The following LILRB3 variants were observed in gnomAD, a reference collection of about 807,000 sequenced individuals.
LILRB3 encodes the protein leukocyte immunoglobulin-like receptor subfamily B member 3.
In LILRB3, 32 loss-of-function variants were observed where a neutral mutation model predicts 68.2. That is an observed-to-expected ratio of 0.47 (90% CI 0.35 to 0.63). The LOEUF (loss-of-function observed/expected upper bound fraction) is 0.63. LILRB3 is among the 30% of genes least tolerant of loss of function. The probability of loss-of-function intolerance (pLI) is 0.00; values close to 1 mark genes in which losing one functional copy is unlikely to be tolerated. For missense variants in LILRB3, 502 were observed against 791.3 expected, an observed-to-expected ratio of 0.63 and a Z score of 4.39; for synonymous variants, 185 against 323.1, an observed-to-expected ratio of 0.57 and a Z score of 4.58.
At chr19:54,217,892 C>A (rs961446151) in intron 11 of LILRB3, among the ~76,000 whole-genome samples, 8 of 152,018 alleles carry the variant, frequency 5.3e-5, no homozygotes, top group Non-Finnish European at 8.8e-5. Context: ...ATGTTCCTTA[C>A]AGCACGTTGC....
exon 1 of LILRB3, chr19:54,222,964 G>T (rs1420204928): frequency 6.2e-7 from 1 of 1,612,502 alleles, no homozygotes; most frequent in East Asian, 2.2e-5. Context: ...AGGGCTGTGA[G>T]GGCGGGCGTC....
Position 54,220,141 on chromosome 19 carries a change from C to G in LILRB3, c.1309+14G>C. The G allele has an allele frequency of 6.6e-7, 1 of 1,506,192 alleles. No individual in the cohort carries two copies. The highest frequency in any genetic ancestry group is 9.0e-7 in the Non-Finnish European group (1 of 1,116,140). The allele number at this position is 1,506,192 out of a possible 1,614,324, so 93.3% of individuals were successfully genotyped here. On this transcript the variant is annotated intron_variant, in intron 7 of 12. Transcript: ENST00000445347. The stretch of plus-strand genomic sequence containing the variant: ...GGGGGAGGCGGCGCTCCCCAAGAGG[C>G]CTCAGTGACTCACCAGGTGTGGAGG...
intron 7 of LILRB3, chr19:54,219,474 C>A (rs1393838798): frequency 1.3e-6 from 2 of 1,547,738 alleles, no homozygotes; most frequent in Admixed American, 2.0e-5. Context: ...GGGAAGGGAG[C>A]CCGGGAGTCT....
exon 13 of LILRB3, chr19:54,217,213 A>G (rs1443024560): frequency 6.2e-7 from 1 of 1,608,148 alleles, no homozygotes; most frequent in East Asian, 2.2e-5. Context: ...CGTAGGTCAC[A>G]TCCTGGGAGG....
exon 3 of LILRB3, chr19:54,222,324 A>G (rs1467800229): frequency 6.2e-7 from 1 of 1,608,996 alleles, no homozygotes; most frequent in South Asian, 1.1e-5. Flanking sequence ...ACCAGCCTGC[A>G]GAGCTGTAAT....
exon 13 of LILRB3, chr19:54,216,469 C>G (rs932719433): frequency 7.8e-6 from 2 of 255,454 alleles, no homozygotes; most frequent in Admixed American, 6.3e-5. Flanking sequence ...GCCACCACGC[C>G]CGGCTAATTT....
At chr19:54,218,226 G>T in intron 11 of LILRB3, 135 bp downstream of exon 11, 2 of 1,221,250 alleles carry the variant, frequency 1.6e-6, no homozygotes, top group Non-Finnish European at 2.4e-6. Flanking sequence ...CACAGCAGGC[G>T]GGAGGCAGCA....
chr19:54,219,340 AC>A, intron 7 of LILRB3, 95 bp from the exon 8 acceptor site: 1 of 1,483,244 alleles, frequency 6.7e-7, no homozygotes, highest in Non-Finnish European at 9.1e-7. Context: ...GTGACCTCCA[AC>A]CCTCACAAGC....
exon 8 of LILRB3, chr19:54,219,161 A>C (rs61734493): frequency 0.93 from 1,492,226 of 1,606,838 alleles, 693,766 homozygotes; most frequent in East Asian, 1. Context: ...ACGCTGACGG[A>C]GGAGGAGGAG....
At chr19:54,218,484 T>C in intron 10 of LILRB3, 71 bp from the exon 11 acceptor site, 1 of 1,607,262 alleles carries the variant, frequency 6.2e-7, no homozygotes, top group Non-Finnish European at 8.5e-7. Flanking sequence ...CCCCCTGCCC[T>C]GCTCCCAGAT....
chr19:54,217,916 A>T (rs149998392), intron 11 of LILRB3, among the ~76,000 whole-genome samples: 1 of 150,576 alleles, frequency 6.6e-6, no homozygotes, highest in African/African-American at 2.5e-5. Context: ...CCTGGACACG[A>T]TGCATTTATT....
chr19:54,217,858 C>G (rs2077642597), intron 11 of LILRB3, among the ~76,000 whole-genome samples: 1 of 152,126 alleles, frequency 6.6e-6, no homozygotes, highest in African/African-American at 2.4e-5. Flanking sequence ...CACTGCCCCA[C>G]ACTCTCTGCC....
chr19:54,219,571 C>G, intron 7 of LILRB3: 1 of 1,548,532 alleles, frequency 6.5e-7, no homozygotes, highest in Non-Finnish European at 8.7e-7. Flanking sequence ...GCCCTGCTCC[C>G]CTCCCCTGCC....
rs1380779035 is a variant in LILRB3, at chr19:54,217,245, G to T, written c.1750-6C>A. Reference sequence around the variant, plus strand: ...GAGGCTTCAGATGCAGCAGCCTGCAGCGGGGGAGAGTGAGAGGTAAGGAAC... The same window carrying T: ...GAGGCTTCAGATGCAGCAGCCTGCATCGGGGGAGAGTGAGAGGTAAGGAAC... On this transcript the variant is annotated splice_region_variant and splice_polypyrimidine_tract_variant and intron_variant, in intron 12 of 12. Transcript: ENST00000445347. The T allele has an allele frequency of 2.5e-6, 4 of 1,610,238 alleles. No homozygotes were observed. Among genetic ancestry groups the T allele is most frequent in the Non-Finnish European group, 3.4e-6 (4 of 1,179,574 alleles).
rs750955385 is a variant in LILRB3, at chr19:54,218,837, G to A, written c.1428C>T (p.Asp476=). Residue 476 remains aspartate, a splice_region_variant and synonymous_variant, in exon 9 of 13, where the codon GAC becomes GAT. Transcript: ENST00000445347. ...GACGCTGGAAATCAGTCTTTCTCTG[G>A]TCTGGGTGAAGATGGACAGAGTCTC... The A allele has an allele frequency of 2.5e-6, 4 of 1,613,914 alleles. 1 individual carries two copies. The South Asian group carries it at 4.4e-5, about 18-fold the overall frequency.
exon 12 of LILRB3, chr19:54,217,351 G>C: frequency 6.3e-7 from 1 of 1,587,188 alleles, no homozygotes; most frequent in Non-Finnish European, 8.6e-7. Flanking sequence ...TCTTCCACCT[G>C]TCTGTCCTTT....
intron 2 of LILRB3, 61 bp from the exon 3 acceptor site, chr19:54,222,623 C>T (rs2078309705): frequency 6.2e-7 from 1 of 1,611,424 alleles, no homozygotes; most frequent in Non-Finnish European, 8.5e-7. Context: ...CAGCTCCCAG[C>T]CCCAGGACTT....
chr19:54,219,428 C>T, intron 7 of LILRB3, 183 bp from the exon 8 acceptor site: 2 of 1,511,782 alleles, frequency 1.3e-6, no homozygotes, highest in Admixed American at 2.0e-5. Context: ...CAGGGAGTCG[C>T]CTGCCCCAGG....
chr19:54,218,412 A>T lies in LILRB3; in HGVS notation c.1542T>A (p.Tyr514Ter), dbSNP rs1217179878. ...CAGACTGTGTGTCCTTCACAGCAGC[A>T]TCTGCTGGGGCAGAGCAAGGGGTTC... Residue 514 changes from tyrosine (Y) to a stop codon, truncating the protein, a stop_gained and splice_region_variant, in exon 11 of 13, where the codon TAT becomes TAA. Coordinates refer to ENST00000445347, the Ensembl canonical transcript of LILRB3. LOFTEE classifies it high-confidence loss of function. 1 of 1,614,164 alleles carries T rather than the reference A, an allele frequency of 6.2e-7. No homozygotes were observed. Among genetic ancestry groups the T allele is most frequent in the Non-Finnish European group, 8.5e-7 (1 of 1,180,008 alleles).
Sources: gnomAD v4.1 joint callset for allele counts (sites outside exome capture counted in the v4.1 genomes callset) on GRCh38, gnomAD v4.1.1 for gene constraint, MANE v1.5 for transcripts, NCBI Gene and HGNC (gene_info 2026-07-23, HGNC 2026-07-21) for gene names.